The following ECI2 variants were observed in gnomAD, a reference collection of about 807,000 sequenced individuals.
ECI2 encodes the protein enoyl-CoA delta isomerase 2.
A neutral mutation model predicts 38.4 loss-of-function variants in ECI2; 27 were observed. The observed-to-expected ratio is 0.70, with a 90% confidence interval of 0.52 to 0.97. ECI2 has a LOEUF of 0.97. Ranked by LOEUF, ECI2 falls within the 50% of genes least tolerant of loss-of-function variation. The pLI is 0.00. For missense variants in ECI2, 470 were observed against 474.4 expected (o/e 0.99, Z 0.09); for synonymous variants, 168 against 172.0 (o/e 0.98, Z 0.18).
chr6:4,124,970 A>G (rs1322918964), intron 7 of ECI2: 2 of 534,004 alleles, frequency 3.7e-6, no homozygotes, highest in Non-Finnish European at 7.2e-6. Context: ...TGTCTCCTGA[A>G]TCTTTCAGAA....
In ECI2 at chr6:4,119,246, T is replaced by C; in HGVS notation, c.825A>G (p.Leu275=). 2 of 1,613,524 alleles carry C rather than the reference T, an allele frequency of 1.2e-6. No individual in the cohort carries two copies. Among genetic ancestry groups the C allele is most frequent in the Non-Finnish European group, 1.7e-6 (2 of 1,179,760 alleles). ...AGGAGCATCCTTCCGGACTTTGGCC[T>C]AGGTGACTAAATGGTGTATGAAATG... ...RATFHTPFSH[L]GQSPEGCSSY... Residue 275 remains leucine (L), a synonymous_variant, in exon 8 of 10, where the codon CTA becomes CTG. Transcript: ENST00000380118.
In ECI2 at chr6:4,135,527, G is replaced by A. The variant is rs780574194; in HGVS notation, c.34C>T (p.Arg12Trp). 5 of 1,611,184 alleles carry A rather than the reference G, an allele frequency of 3.1e-6. No homozygotes were observed. The highest frequency in any genetic ancestry group is 1.7e-4 in the Middle Eastern group (1 of 6,058). ...AMAYLAWRLA[R>W]RSCPSSLQVT... ...CAAGCTTACCTCGGACACGAACGCC[G>A]CGCCAGTCTCCAAGCCAAGTACGCC... The change falls in exon 1 of 10, where the codon CGG becomes TGG. Residue 12 changes from arginine to tryptophan, a missense_variant. Physicochemically the swap from Arg to Trp is moderately radical, Grantham distance 101. Transcript: ENST00000380118.
At chr6:4,130,635 A>G (rs760566487) in intron 3 of ECI2, 75 bp from the exon 4 acceptor site, 20 of 1,608,984 alleles carry the variant, frequency 1.2e-5, no homozygotes. Flanking sequence ...TATACTAATA[A>G]CTAACACCTT....
chr6:4,132,472 C>CT (rs1773545507), intron 2 of ECI2, among the ~76,000 whole-genome samples: 1 of 152,068 alleles, frequency 6.6e-6, no homozygotes, highest in Non-Finnish European at 1.5e-5. Context: ...TTCCCAGAAG[C>CT]TGAGGGCAAA....
chr6:4,131,100 T>C (rs1466843468), intron 2 of ECI2: 2 of 438,008 alleles, frequency 4.6e-6, no homozygotes, highest in Admixed American at 7.9e-5. Flanking sequence ...TAATGCAGGA[T>C]AAAGGTTTTG....
chr6:4,125,523 G>C (rs1333766243), intron 6 of ECI2, 153 bp from the exon 7 acceptor site: 1 of 1,084,788 alleles, frequency 9.2e-7, no homozygotes, highest in Non-Finnish European at 1.3e-6. Context: ...CCACTTCCCT[G>C]GTCTTCCGCA....
intron 5 of ECI2, among the ~76,000 whole-genome samples, 179 bp from the exon 6 acceptor site, chr6:4,126,416 A>C (rs1459897427): frequency 6.6e-6 from 1 of 152,246 alleles, no homozygotes. Flanking sequence ...ACACACCGAT[A>C]AATGTAGCTA....
Position 4,119,213 on chromosome 6 carries a change from A to C in ECI2, c.858T>G (p.Thr286=), listed in dbSNP as rs1431175886. 1 of 1,613,678 alleles carries C rather than the reference A, an allele frequency of 6.2e-7. No individual in the cohort carries two copies. The highest frequency in any genetic ancestry group is 2.2e-5 in the East Asian group (1 of 44,876). ...TGGCTGGGCTCATTATCTTCGGAAA[A>C]GTGTAAGAGGAGCATCCTTCCGGAC... ...GQSPEGCSSY[T]FPKIMSPAKA... is the part of the protein sequence containing the mutation. The change falls in exon 8 of 10, where the codon ACT becomes ACG. Residue 286 remains threonine (T), a synonymous_variant. Transcript: ENST00000380118.
intron 7 of ECI2, among the ~76,000 whole-genome samples, chr6:4,120,172 A>C (rs752482483): frequency 6.6e-6 from 1 of 152,238 alleles, no homozygotes; most frequent in Non-Finnish European, 1.5e-5. Flanking sequence ...ATGAAAAACA[A>C]GTTGAACACC....
At chr6:4,135,123 T>C (rs1238250123) in intron 1 of ECI2, 2 of 504,174 alleles carry the variant, frequency 4.0e-6, no homozygotes, top group Non-Finnish European at 7.7e-6. Flanking sequence ...ACCTCGCTTT[T>C]AGCAAGCGAC....
At position 4,115,868 on chromosome 6, in the gene ECI2, T is replaced by C. The variant is rs754583262; in HGVS notation, c.*6A>G. 5 of 1,609,268 alleles carry C rather than the reference T, an allele frequency of 3.1e-6. No homozygotes were observed. The South Asian group carries it at 4.5e-5, about 14-fold the overall frequency. ...TTGGACATGCTTTACTCTGCTGTAGTGGTCATCACAGTTTTGATTTTCTGG... is the reference window on the plus strand; with the variant it reads ...TTGGACATGCTTTACTCTGCTGTAGCGGTCATCACAGTTTTGATTTTCTGG... On this transcript the variant is annotated 3_prime_UTR_variant, in exon 10 of 10. Transcript: ENST00000380118.
intron 9 of ECI2, among the ~76,000 whole-genome samples, chr6:4,117,066 C>G (rs921079515): frequency 7.2e-6 from 1 of 139,012 alleles, no homozygotes; most frequent in Non-Finnish European, 1.6e-5. Context: ...CTCAAGTAAT[C>G]CCCATACAGA....
At chr6:4,127,960 T>A in intron 4 of ECI2, 129 bp from the exon 5 acceptor site, 2 of 801,422 alleles carry the variant, frequency 2.5e-6, no homozygotes, top group Non-Finnish European at 3.7e-6. Flanking sequence ...TGGTTGTATT[T>A]TATAACCAAA....
chr6:4,130,493 T>G lies in ECI2; in HGVS notation c.380A>C (p.Gln127Pro), dbSNP rs759509386. Residue 127 changes from glutamine (Q) to proline (P), a missense_variant, in exon 4 of 10, where the codon CAG becomes CCG. Physicochemically the swap from Gln to Pro is moderately conservative, Grantham distance 76. Coordinates refer to ENST00000380118, the MANE Select transcript of ECI2 (RefSeq NM_206836.3). ...TTTCCTGTCTGTTCCAGGCTCCACC[T>G]GACTAGAGGATTCCAATGAAGGACT... ...SLSPSLESSS[Q>P]VEPGTDRKST... The G allele has an allele frequency of 6.2e-7, 1 of 1,614,250 alleles. No individual in the cohort carries two copies. Among genetic ancestry groups the G allele is most frequent in the South Asian group, 1.1e-5 (1 of 91,090 alleles).
At chr6:4,134,192 CA>C (rs1233331390) in intron 1 of ECI2, among the ~76,000 whole-genome samples, 1 of 152,180 alleles carries the variant, frequency 6.6e-6, no homozygotes, top group African/African-American at 2.4e-5. Flanking sequence ...CCAACATACA[CA>C]CAGGTGGAAG....
At chr6:4,127,344 T>A (rs890196294) in intron 5 of ECI2, among the ~76,000 whole-genome samples, 1 of 151,606 alleles carries the variant, frequency 6.6e-6, no homozygotes, top group Non-Finnish European at 1.5e-5. Flanking sequence ...TGTGTTTTTT[T>A]AAACATTTTT....
At chr6:4,119,311 C>A in intron 7 of ECI2, 36 bp from the exon 8 acceptor site, 59 of 1,421,158 alleles carry the variant, frequency 4.2e-5, no homozygotes, top group Non-Finnish European at 5.3e-5. Flanking sequence ...ACCATCTTTT[C>A]ATGTGTGATT....
chr6:4,117,466 A>C lies in ECI2; in HGVS notation c.886-15T>G, dbSNP rs756363416. 3 of 1,608,810 alleles carry C rather than the reference A, an allele frequency of 1.9e-6. No individual in the cohort carries two copies. The highest frequency in any genetic ancestry group is 2.5e-6 in the Non-Finnish European group (3 of 1,178,740). ...ATCTCTGTTGCCTGAAATGAAAAGC[A>C]AGAAGCAAGGTTAAGATACTAACTT... is the stretch of plus-strand genomic sequence containing the variant. On this transcript the variant is annotated splice_polypyrimidine_tract_variant and intron_variant, in intron 8 of 9. Coordinates refer to ENST00000380118, the MANE Select transcript of ECI2 (RefSeq NM_206836.3).
At chr6:4,130,342 A>C in intron 4 of ECI2, 30 bp downstream of exon 4, 1 of 1,614,172 alleles carries the variant, frequency 6.2e-7, no homozygotes, top group Non-Finnish European at 8.5e-7. Flanking sequence ...AAAGTAAAAC[A>C]GGACAAACTC....
Sources: gnomAD v4.1 joint callset for allele counts (sites outside exome capture counted in the v4.1 genomes callset) on GRCh38, gnomAD v4.1.1 for gene constraint, MANE v1.5 for transcripts, NCBI Gene and HGNC (gene_info 2026-07-23, HGNC 2026-07-21) for gene names.